Variants in ARHGAP11B observed in about 807,000 individuals in gnomAD.
ARHGAP11B encodes the protein Rho GTPase activating protein 11B.
A neutral mutation model predicts 27.6 loss-of-function variants in ARHGAP11B; 14 were observed. The ratio of observed to expected loss-of-function variants is 0.51; its 90% CI spans 0.34 to 0.79. ARHGAP11B has a LOEUF of 0.79. ARHGAP11B is among the 30% of genes least tolerant of loss of function. ARHGAP11B has a pLI of 0.02. For missense variants in ARHGAP11B, 245 were observed against 320.1 expected (o/e 0.77, Z 1.79); for synonymous variants, 82 against 114.1 (o/e 0.72, Z 1.80).
intron 2 of ARHGAP11B, 102 bp downstream of exon 2, chr15:30,630,875 C>CT (rs2060240560): frequency 6.3e-7 from 1 of 1,591,886 alleles, no homozygotes; most frequent in Non-Finnish European, 8.6e-7. Context: ...AGTCCGGGAG[C>CT]TTAAGACCAG....
exon 1 of ARHGAP11B, chr15:30,626,616 A>G: frequency 1.5e-6 from 1 of 660,270 alleles, no homozygotes; most frequent in Non-Finnish European, 2.5e-6. Context: ...AAGGGCTAAG[A>G]GAAGCGGGTC....
At chr15:30,641,352 T>TTG (rs71103436) in intron 7 of ARHGAP11B, among the ~76,000 whole-genome samples, 1 of 151,408 alleles carries the variant, frequency 6.6e-6, no homozygotes, top group Admixed American at 6.6e-5. Context: ...TTTTTTTTTT[T>TTG]GAGACAGAGT....
At chr15:30,636,024 T>C (rs572697847) in intron 6 of ARHGAP11B, among the ~76,000 whole-genome samples, 1 of 150,748 alleles carries the variant, frequency 6.6e-6, no homozygotes, top group Admixed American at 6.6e-5. Flanking sequence ...AACCTATGTC[T>C]AATGTAGATA....
intron 7 of ARHGAP11B, among the ~76,000 whole-genome samples, chr15:30,642,032 T>G (rs1169055673): frequency 6.6e-6 from 1 of 152,030 alleles, no homozygotes; most frequent in Non-Finnish European, 1.5e-5. Flanking sequence ...ATTTTTAAAG[T>G]GACTAGACTG....
rs577645262 is a variant in ARHGAP11B, at chr15:30,642,015, T to C, written c.*79-2624T>C. On this transcript the variant is annotated intron_variant, in intron 7 of 10. Transcript: ENST00000428041. The stretch of plus-strand genomic sequence containing the variant: ...ACAGACGTGAGCCACGGTGCCTGGC[T>C]GGACACATTTTTAAAGTGACTAGAC... Among the ~76,000 whole-genome samples the C allele has an allele frequency of 9.1e-4, 139 of 152,160 alleles. 1 individual carries two copies. Among genetic ancestry groups the C allele is most frequent in the African/African-American group, 3.0e-3 (125 of 41,558 alleles).
intron 7 of ARHGAP11B, among the ~76,000 whole-genome samples, chr15:30,640,385 G>A (rs2060308310): frequency 8.2e-6 from 1 of 121,360 alleles, no homozygotes; most frequent in Non-Finnish European, 1.7e-5. Flanking sequence ...AAGTTCTAAT[G>A]TGGCCAACCA....
In ARHGAP11B at chr15:30,626,817, C is replaced by T. The variant is rs186081926; in HGVS notation, c.-4C>T. On this transcript the variant is annotated 5_prime_UTR_variant, in exon 1 of 11. Transcript: ENST00000428041. ...CCTGCCTCAGAGTTATCGACGTATC[C>T]GGAATGTGGGATCAGAGGCTGGTGA... The T allele has an allele frequency of 1.2e-4, 199 of 1,613,374 alleles. 1 individual carries two copies. The African/African-American group carries it at 2.3e-3, about 19-fold the overall frequency.
At chr15:30,641,267 TATG>T (rs2060313535) in intron 7 of ARHGAP11B, among the ~76,000 whole-genome samples, 1 of 151,936 alleles carries the variant, frequency 6.6e-6, no homozygotes. Flanking sequence ...TTATAAAAAA[TATG>T]ATGCTTTTAA....
At chr15:30,647,270 GT>G (rs2060356001) in intron 9 of ARHGAP11B, among the ~76,000 whole-genome samples, 1 of 151,930 alleles carries the variant, frequency 6.6e-6, no homozygotes, top group Admixed American at 6.6e-5. Context: ...GATTGGCAGA[GT>G]TTTTGGAGTC....
intron 9 of ARHGAP11B, among the ~76,000 whole-genome samples, chr15:30,646,806 C>G (rs1416578079): frequency 6.6e-6 from 1 of 151,746 alleles, no homozygotes; most frequent in Non-Finnish European, 1.5e-5. Context: ...CCCATCTCTA[C>G]TAAAAATACA....
chr15:30,640,145 G>A (rs949122598), intron 7 of ARHGAP11B, among the ~76,000 whole-genome samples: 5 of 138,116 alleles, frequency 3.6e-5, no homozygotes, highest in Admixed American at 7.6e-5. Flanking sequence ...GTCTATAGCT[G>A]TGGCTTTATT....
intron 6 of ARHGAP11B, among the ~76,000 whole-genome samples, chr15:30,637,665 C>T (rs1011012839): frequency 2.9e-4 from 44 of 151,882 alleles, no homozygotes; most frequent in African/African-American, 9.9e-4. Context: ...ACCTGGGAGG[C>T]GGAGGTTGTC....
chr15:30,627,433 C>T (rs1595669072), intron 1 of ARHGAP11B, among the ~76,000 whole-genome samples: 5 of 152,086 alleles, frequency 3.3e-5, no homozygotes, highest in Admixed American at 3.3e-4. Flanking sequence ...CAAGGGAGAC[C>T]AGTGCATTTT....
chr15:30,635,517 T>C, exon 6 of ARHGAP11B: 1 of 1,613,498 alleles, frequency 6.2e-7, no homozygotes, highest in East Asian at 2.2e-5. Flanking sequence ...CTGGAAAAGA[T>C]ACCAGCCATG....
At chr15:30,635,546 T>C in exon 6 of ARHGAP11B, 10 of 1,613,280 alleles carry the variant, frequency 6.2e-6, no homozygotes, top group Non-Finnish European at 8.5e-6. Flanking sequence ...TGATGGTCTC[T>C]GTGCTACTCC....
chr15:30,647,511 C>A (rs1209487876), intron 9 of ARHGAP11B, among the ~76,000 whole-genome samples: 1 of 151,932 alleles, frequency 6.6e-6, no homozygotes, highest in African/African-American at 2.4e-5. Context: ...TATTCATATA[C>A]AAGTGCCTTT....
chr15:30,646,905 G>A (rs911375118), intron 9 of ARHGAP11B, among the ~76,000 whole-genome samples: 25 of 151,326 alleles, frequency 1.7e-4, no homozygotes, highest in African/African-American at 5.3e-4. Context: ...GGAGCCAGAG[G>A]TTGCAGTGAG....
chr15:30,629,475 C>T (rs1340573316), intron 1 of ARHGAP11B, among the ~76,000 whole-genome samples: 1 of 151,992 alleles, frequency 6.6e-6, no homozygotes, highest in Non-Finnish European at 1.5e-5. Flanking sequence ...AATGGGTGAA[C>T]CCGGGAGGCG....
chr15:30,644,085 T>C (rs2060331073), intron 7 of ARHGAP11B, among the ~76,000 whole-genome samples: 1 of 152,018 alleles, frequency 6.6e-6, no homozygotes, highest in African/African-American at 2.4e-5. Context: ...GCCAACTATA[T>C]CAAGTAAAGT....
Sources: gnomAD v4.1 joint callset for allele counts (sites outside exome capture counted in the v4.1 genomes callset) on GRCh38, gnomAD v4.1.1 for gene constraint, MANE v1.5 for transcripts, NCBI Gene and HGNC (gene_info 2026-07-23, HGNC 2026-07-21) for gene names.